Variants in SPAG5 observed in about 807,000 individuals in gnomAD.
The protein encoded by SPAG5 is sperm associated antigen 5.
In SPAG5, 99 loss-of-function variants were observed where a neutral mutation model predicts 145.4. The ratio of observed to expected loss-of-function variants is 0.68; its 90% CI spans 0.58 to 0.80. SPAG5 has a LOEUF of 0.80. Ranked by LOEUF, SPAG5 falls within the 30% of genes least tolerant of loss-of-function variation. The pLI is 0.00. For missense variants in SPAG5, 1,192 were observed against 1,416.0 expected (o/e 0.84, Z 2.54); for synonymous variants, 477 against 525.4 (o/e 0.91, Z 1.26).
chr17:28,584,013 CAG>C (rs750395951), intron 13 of SPAG5, 27 bp from the exon 14 acceptor site: 2 of 1,613,684 alleles, frequency 1.2e-6, no homozygotes, highest in South Asian at 2.2e-5. Flanking sequence ...AGGAGCAAGA[CAG>C]GGAGGGAGAA....
rs1036176333 is a variant in SPAG5 at position 28,592,402 on chromosome 17, C to T, written c.842G>A (p.Arg281Lys). 5 of 1,613,880 alleles carry T rather than the reference C, an allele frequency of 3.1e-6. No individual in the cohort carries two copies. The South Asian group carries it at 4.4e-5, about 14-fold the overall frequency. ...AGACTCCTTAGGATGTGTGGGAAAC[C>T]TCATTTCTCTTTCCTCCATAGCTCC... ...EHGAMEEREM[R>K]FPTHPKESET... The change falls in exon 3 of 24, where the codon AGG (arginine) becomes AAG (lysine). Residue 281 changes from arginine to lysine, a missense_variant. Transcript: ENST00000321765.
chr17:28,591,109 C>T (rs1033061216), intron 4 of SPAG5, among the ~76,000 whole-genome samples: 1 of 152,036 alleles, frequency 6.6e-6, no homozygotes, highest in Non-Finnish European at 1.5e-5. Flanking sequence ...CATAATTTTT[C>T]TTAAAATATT....
chr17:28,593,623 C>G (rs1490360266), intron 2 of SPAG5, among the ~76,000 whole-genome samples: 2 of 152,070 alleles, frequency 1.3e-5, no homozygotes, highest in Non-Finnish European at 2.9e-5. Context: ...ACTCAGGAAG[C>G]TGAGGTGGGA....
At chr17:28,578,899 G>A in intron 19 of SPAG5, 147 bp from the exon 20 acceptor site, 1 of 747,198 alleles carries the variant, frequency 1.3e-6, no homozygotes, top group South Asian at 1.6e-5. Context: ...GGCCAAGCCA[G>A]GCAAGGCACA....
intron 23 of SPAG5, 75 bp downstream of exon 23, chr17:28,577,935 T>C: frequency 1.5e-6 from 2 of 1,348,990 alleles, no homozygotes; most frequent in Non-Finnish European, 2.1e-6. Flanking sequence ...GAACCAGATC[T>C]GTGCTCATTA....
In SPAG5 at chr17:28,579,823, G is replaced by C; in HGVS notation, c.2812C>G (p.Pro938Ala). The C allele has an allele frequency of 1.2e-6, 2 of 1,614,180 alleles. No individual in the cohort carries two copies. Among genetic ancestry groups the C allele is most frequent in the Non-Finnish European group, 1.7e-6 (2 of 1,180,004 alleles). ...TTGTCACTTCCAAGCAAGGGCACAG[G>C]AGTTGATTCTGGCTCTAAGAGAAAA... ...AVADEEPEST[P>A]VPLLGSDKSA... is the part of the protein sequence containing the mutation. Residue 938 changes from proline to alanine, a missense_variant, in exon 17 of 24, where the codon CCT (proline) becomes GCT (alanine). Physicochemically the swap from Pro to Ala is conservative, Grantham distance 27. Coordinates refer to ENST00000321765, the MANE Select transcript of SPAG5 (RefSeq NM_006461.4).
At chr17:28,586,269 A>G (rs1353984429) in intron 5 of SPAG5, 87 bp from the exon 6 acceptor site, 5 of 1,282,482 alleles carry the variant, frequency 3.9e-6, no homozygotes, top group Non-Finnish European at 5.7e-6. Context: ...GCTAACCCCA[A>G]TTCCAAGCTC....
At chr17:28,588,798 C>T (rs2070601906) in intron 4 of SPAG5, among the ~76,000 whole-genome samples, 1 of 152,136 alleles carries the variant, frequency 6.6e-6, no homozygotes, top group East Asian at 1.9e-4. Flanking sequence ...TCTCATGCCT[C>T]AGCCACCCAA....
intron 2 of SPAG5, 117 bp from the exon 3 acceptor site, chr17:28,593,183 G>A (rs2070636517): frequency 7.7e-7 from 1 of 1,292,664 alleles, no homozygotes; most frequent in Non-Finnish European, 1.1e-6. Flanking sequence ...CTCTGCTTAG[G>A]TAAGAACTTG....
Position 28,578,583 on chromosome 17 carries a change from G to A in SPAG5, c.3199-55C>T. 14 of 1,609,090 alleles carry A rather than the reference G, an allele frequency of 8.7e-6. No homozygotes were observed. The South Asian group carries it at 1.4e-4, about 16-fold the overall frequency. ...AGGACATAAGGATAGACAACATGTG[G>A]TGAACAAAAGCAAACCATTTCTCAT... On this transcript the variant is annotated intron_variant, in intron 20 of 23. Coordinates refer to ENST00000321765, the MANE Select transcript of SPAG5 (RefSeq NM_006461.4).
rs1250991826 is a variant in SPAG5 at position 28,591,779 on chromosome 17, A to C, written c.1356T>G (p.Leu452=). The C allele has an allele frequency of 6.2e-7, 1 of 1,614,142 alleles. No individual in the cohort carries two copies. The highest frequency in any genetic ancestry group is 2.2e-5 in the East Asian group (1 of 44,882). ...CAGCCAGCTGGCTCTTCCAGTCCCG[A>C]AGCTGGCGGGAGAGAACCTCCAGAA... ...LVILEVLSRQ[L]RDWKSQLAVP... The change falls in exon 4 of 24, where the codon CTT becomes CTG. Residue 452 remains leucine (L), a synonymous_variant. Coordinates refer to ENST00000321765, the MANE Select transcript of SPAG5 (RefSeq NM_006461.4).
intron 2 of SPAG5, 98 bp downstream of exon 2, chr17:28,598,412 A>G (rs2070683564): frequency 5.7e-6 from 8 of 1,407,088 alleles, no homozygotes; most frequent in Non-Finnish European, 7.6e-6. Flanking sequence ...AGAAGACTTC[A>G]TTATCGTTAT....
intron 4 of SPAG5, among the ~76,000 whole-genome samples, chr17:28,587,460 C>T (rs2070593088): frequency 1.3e-5 from 2 of 151,856 alleles, no homozygotes; most frequent in African/African-American, 2.4e-5. Context: ...GCAGGAGAAT[C>T]ACTTGAAACC....
In SPAG5 at chr17:28,592,047, GTTTGTACTCTTT is replaced by G. The variant is rs763784549; in HGVS notation, c.1185_1196del (p.Glu395_Asn399delinsAsp). ...TGCCAACCAGGCCTGTCTGGGATGT[GTTTGTACTCTTT>G]TCCTGTGGTGCTGAAGGAGTAAACC... On this transcript the variant is annotated inframe_deletion, in exon 3 of 24. Transcript: ENST00000321765. 2.5e-6 allele frequency: 4 copies of G among 1,614,086 alleles called. No homozygotes were observed. Among genetic ancestry groups the G allele is most frequent in the Non-Finnish European group, 3.4e-6 (4 of 1,180,050 alleles).
chr17:28,585,291 A>G, intron 9 of SPAG5, 28 bp downstream of exon 9: 1 of 1,610,678 alleles, frequency 6.2e-7, no homozygotes, highest in African/African-American at 1.3e-5. Context: ...TGAGTAAGGA[A>G]TTAGTTATGA....
At position 28,579,344 on chromosome 17, in the gene SPAG5, C is replaced by G. The variant is rs148457636; in HGVS notation, c.3005+21G>C. On this transcript the variant is annotated intron_variant, in intron 18 of 23. Coordinates refer to ENST00000321765, the MANE Select transcript of SPAG5 (RefSeq NM_006461.4). ...AGGATGTCTCACTGTCCCTCTGTCA[C>G]CAAAACTGCATCCCACTCACATTTT... is the stretch of plus-strand genomic sequence containing the variant. 701 of 1,613,910 alleles carry G rather than the reference C, an allele frequency of 4.3e-4. 3 individuals carry two copies. In the African/African-American group the frequency reaches 8.4e-3, roughly 19 times the overall value.
intron 2 of SPAG5, among the ~76,000 whole-genome samples, chr17:28,594,517 C>G (rs2070646363): frequency 6.6e-6 from 1 of 152,008 alleles, no homozygotes. Flanking sequence ...ATGGCGTGAA[C>G]CCGGGAGGTG....
At chr17:28,594,106 G>A (rs1230265533) in intron 2 of SPAG5, among the ~76,000 whole-genome samples, 2 of 151,892 alleles carry the variant, frequency 1.3e-5, no homozygotes, top group East Asian at 1.9e-4. Flanking sequence ...TACATGAGGC[G>A]CTGATTAACA....
intron 15 of SPAG5, chr17:28,582,637 G>A (rs550198138): frequency 6.6e-6 from 1 of 152,328 alleles, no homozygotes; most frequent in East Asian, 1.9e-4. Flanking sequence ...TCCTGTGCTC[G>A]GTACCCAGTT....
Sources: gnomAD v4.1 joint callset for allele counts (sites outside exome capture counted in the v4.1 genomes callset) on GRCh38, gnomAD v4.1.1 for gene constraint, MANE v1.5 for transcripts, NCBI Gene and HGNC (gene_info 2026-07-23, HGNC 2026-07-21) for gene names.